Variants in CTIF observed in about 807,000 individuals in gnomAD.
The protein encoded by CTIF is CBP80/20-dependent translation initiation factor.
A neutral mutation model predicts 66.0 loss-of-function variants in CTIF; 21 were observed. The ratio of observed to expected loss-of-function variants is 0.32; its 90% CI spans 0.23 to 0.46. The LOEUF is 0.46. Ranked by LOEUF, CTIF falls within the 20% of genes least tolerant of loss-of-function variation. CTIF has a pLI of 1.00. For missense variants in CTIF, 739 were observed against 812.7 expected, an observed-to-expected ratio of 0.91 and a Z score of 1.10; for synonymous variants, 345 against 326.4, an observed-to-expected ratio of 1.06 and a Z score of -0.62.
intron 1 of CTIF, among the ~76,000 whole-genome samples, chr18:48,585,113 G>A (rs2143867993): frequency 6.6e-6 from 1 of 152,362 alleles, no homozygotes; most frequent in East Asian, 1.9e-4. Context: ...CAGAGGTGGA[G>A]GAGCAGTGGG....
intron 7 of CTIF, among the ~76,000 whole-genome samples, chr18:48,718,812 G>A (rs904039469): frequency 2.0e-5 from 3 of 152,078 alleles, no homozygotes; most frequent in Non-Finnish European, 4.4e-5. Context: ...CATGGTCAGG[G>A]GCCATTTATG....
chr18:48,797,247 C>T (rs957476262), intron 9 of CTIF, among the ~76,000 whole-genome samples: 2 of 152,194 alleles, frequency 1.3e-5, no homozygotes, highest in South Asian at 2.1e-4. Context: ...CTTTGGGAGG[C>T]CGAGGTGGGC....
chr18:48,692,666 C>T (rs769846142), intron 6 of CTIF: 4 of 152,216 alleles, frequency 2.6e-5, no homozygotes, highest in Non-Finnish European at 5.9e-5. Context: ...CCAGCCAGCT[C>T]CCAGGTGAGA....
chr18:48,606,372 G>A (rs1446022537), intron 1 of CTIF, among the ~76,000 whole-genome samples: 1 of 152,208 alleles, frequency 6.6e-6, no homozygotes, highest in African/African-American at 2.4e-5. Context: ...CCTGTCACTG[G>A]GCCACTGGCA....
intron 1 of CTIF, among the ~76,000 whole-genome samples, chr18:48,568,645 A>G (rs1421287530): frequency 1.5e-5 from 2 of 130,920 alleles, no homozygotes; most frequent in Non-Finnish European, 1.6e-5. Flanking sequence ...AAAAAAAAAA[A>G]AAAAAAAAAA....
intron 7 of CTIF, among the ~76,000 whole-genome samples, chr18:48,741,284 C>A (rs918300625): frequency 2.7e-5 from 4 of 149,086 alleles, no homozygotes; most frequent in Middle Eastern, 3.4e-3. Flanking sequence ...GCCCCCGCCC[C>A]CCCTCCTTGG....
intron 7 of CTIF, among the ~76,000 whole-genome samples, chr18:48,747,534 A>G (rs950346218): frequency 6.6e-6 from 1 of 152,210 alleles, no homozygotes; most frequent in Non-Finnish European, 1.5e-5. Flanking sequence ...TCCTGGGGTC[A>G]CTACTCAGTT....
intron 3 of CTIF, among the ~76,000 whole-genome samples, chr18:48,659,764 C>T (rs2144863498): frequency 6.6e-6 from 1 of 152,272 alleles, no homozygotes; most frequent in Non-Finnish European, 1.5e-5. Flanking sequence ...GAAGGAGAAG[C>T]AGCCTGGTGC....
chr18:48,586,364 T>G (rs945874992), intron 1 of CTIF, among the ~76,000 whole-genome samples: 4 of 151,674 alleles, frequency 2.6e-5, no homozygotes, highest in Non-Finnish European at 1.5e-5. Flanking sequence ...ACAACCTCCT[T>G]GATTCAAGCG....
intron 1 of CTIF, among the ~76,000 whole-genome samples, chr18:48,578,336 T>C (rs1395552023): frequency 6.6e-6 from 1 of 152,218 alleles, no homozygotes; most frequent in Non-Finnish European, 1.5e-5. Flanking sequence ...CTCTTGGGTA[T>C]ATACCTAGGA....
chr18:48,761,748 T>C lies in CTIF; in HGVS notation c.1371+59T>C. Reference sequence around the variant, plus strand: ...CCCTGCCCCTCTGCGTTCGGTGAGTTATTCCTAGCGAGAAGGCTGCGAGTT... The same window carrying C: ...CCCTGCCCCTCTGCGTTCGGTGAGTCATTCCTAGCGAGAAGGCTGCGAGTT... On this transcript the variant is annotated intron_variant, in intron 9 of 11. Coordinates refer to ENST00000256413, the MANE Select transcript of CTIF (RefSeq NM_014772.3). The surrounding 1 kb of genome is among the most constrained non-coding windows in gnomAD (Gnocchi z 4.2). 6.6e-7 allele frequency: 1 copy of C among 1,512,776 alleles called. No homozygotes were observed. 93.7% of individuals were successfully genotyped at this position (1,512,776 alleles called of 1,614,324 possible). A position where few individuals can be genotyped will look rare whatever the true frequency, so the allele number is the denominator to read the frequency against.
intron 6 of CTIF, among the ~76,000 whole-genome samples, chr18:48,685,626 A>G (rs546397043): frequency 1.3e-5 from 2 of 152,194 alleles, no homozygotes; most frequent in East Asian, 1.9e-4. Context: ...ACATTGACCA[A>G]CTGGTTAAGA....
chr18:48,664,683 C>T (rs1403941993), intron 5 of CTIF, 132 bp downstream of exon 5: 3 of 696,206 alleles, frequency 4.3e-6, no homozygotes, highest in South Asian at 1.8e-5. Flanking sequence ...TCTTCTTATG[C>T]GTCCCAGAGC....
At chr18:48,631,957 A>G (rs1224595079) in intron 2 of CTIF, among the ~76,000 whole-genome samples, 1 of 152,110 alleles carries the variant, frequency 6.6e-6, no homozygotes, top group Non-Finnish European at 1.5e-5. Flanking sequence ...TTCTTGACTC[A>G]TCTCCTATAG....
intron 9 of CTIF, among the ~76,000 whole-genome samples, chr18:48,767,003 G>C (rs749616491): frequency 6.6e-6 from 1 of 152,152 alleles, no homozygotes; most frequent in African/African-American, 2.4e-5. Context: ...TCTCACCCAC[G>C]GTGCCAGGCT....
chr18:48,738,234 C>T (rs2092521330), intron 7 of CTIF, among the ~76,000 whole-genome samples: 1 of 152,234 alleles, frequency 6.6e-6, no homozygotes, highest in Admixed American at 6.5e-5. Flanking sequence ...CCTCTTACTC[C>T]CTCTACTCCT....
rs2069419213 is a variant in CTIF, at chr18:48,859,768, G to A, written c.*209G>A. The A allele has an allele frequency of 1.4e-6, 1 of 697,464 alleles. No individual in the cohort carries two copies. Among genetic ancestry groups the A allele is most frequent in the Non-Finnish European group, 2.6e-6 (1 of 382,106 alleles). 43.2% of individuals were successfully genotyped at this position (697,464 alleles called of 1,614,324 possible). ...CGCACAAGCCCCCCAGCCCGAGCAT[G>A]CAAGCTCACACCAATAAGGGAAGCA... On this transcript the variant is annotated 3_prime_UTR_variant, in exon 12 of 12. Coordinates refer to ENST00000256413, the MANE Select transcript of CTIF (RefSeq NM_014772.3).
intron 1 of CTIF, among the ~76,000 whole-genome samples, chr18:48,555,069 C>A (rs1347771848): frequency 6.6e-6 from 1 of 152,158 alleles, no homozygotes; most frequent in African/African-American, 2.4e-5. Flanking sequence ...CTCCTGGCTT[C>A]CCTTCTCTGT....
chr18:48,580,771 A>C (rs2089636706), intron 1 of CTIF, among the ~76,000 whole-genome samples: 1 of 151,890 alleles, frequency 6.6e-6, no homozygotes, highest in Non-Finnish European at 1.5e-5. Flanking sequence ...TCTTTCTTGG[A>C]ATTTTGGCTC....
Sources: allele counts gnomAD v4.1 joint callset (sites outside exome capture counted in the v4.1 genomes callset), GRCh38; gene constraint gnomAD v4.1.1; non-coding constraint Gnocchi (gnomAD v3.1); transcripts MANE v1.5; gene names NCBI Gene and HGNC (gene_info 2026-07-23, HGNC 2026-07-21).